The following BCAR1 variants were observed in gnomAD, a reference collection of about 807,000 sequenced individuals.
The protein encoded by BCAR1 is breast cancer anti-estrogen resistance protein 1.
BCAR1 carries 30 observed loss-of-function variants against 67.6 expected under a neutral mutation model. That is an observed-to-expected ratio of 0.44 (90% CI 0.33 to 0.60). The LOEUF (loss-of-function observed/expected upper bound fraction) is 0.60. Among genes scored for constraint, BCAR1 ranks in the 20% least tolerant of loss-of-function variants. BCAR1 has a pLI of 0.02. For missense variants in BCAR1, 1,313 were observed against 1,222.3 expected (o/e 1.07, Z -1.11); for synonymous variants, 626 against 556.7 (o/e 1.12, Z -1.75).
At chr16:75,252,394 C>T (rs532750042), upstream of BCAR1, 78 of 1,486,350 alleles carry the variant, frequency 5.2e-5, no homozygotes, top group South Asian at 9.3e-4. Context: ...GGTAGGAGAG[C>T]GGCACTGGGG....
At chr16:75,241,960 G>A (rs962609892) in intron 2 of BCAR1, among the ~76,000 whole-genome samples, 3 of 152,180 alleles carry the variant, frequency 2.0e-5, no homozygotes, top group Admixed American at 6.5e-5. Flanking sequence ...CGTCCTCCCA[G>A]GAGTCACATC....
chr16:75,238,822 G>A (rs935752080), intron 2 of BCAR1: 1 of 985,346 alleles, frequency 1.0e-6, no homozygotes, highest in African/African-American at 1.7e-5. Context: ...AGGCGGGGCG[G>A]AGGGACGTGG....
At chr16:75,264,422 T>C in intron 1 of BCAR1, 2 of 1,528,578 alleles carry the variant, frequency 1.3e-6, no homozygotes. Context: ...GGCTGGCCAG[T>C]CCCCTGAGGC....
chr16:75,238,025 G>A lies in BCAR1; in HGVS notation c.634-681C>T, dbSNP rs556264582. The A allele has an allele frequency of 8.6e-5, 111 of 1,287,932 alleles. 2 individuals are homozygous for A. In the South Asian group the frequency reaches 1.3e-3, roughly 15 times the overall value. The allele number at this position is 1,287,932 out of a possible 1,614,324, so 79.8% of individuals were successfully genotyped here. ...CAGCAGGTAAGATCCCCAGCGACCT[G>A]AAAGGATGAGGCCTAGTGGGGGAAG... is the stretch of plus-strand genomic sequence containing the variant. On this transcript the variant is annotated intron_variant, in intron 2 of 6. Transcript: ENST00000162330.
At chr16:75,265,906 C>A (rs1597296875) in intron 1 of BCAR1, 2 of 1,119,668 alleles carry the variant, frequency 1.8e-6, no homozygotes, top group South Asian at 4.3e-5. Context: ...CCGCCCGCGC[C>A]GCTCAGAGGC....
At chr16:75,244,204 C>T (rs947329767) in intron 1 of BCAR1, among the ~76,000 whole-genome samples, 2 of 152,218 alleles carry the variant, frequency 1.3e-5, no homozygotes, top group Non-Finnish European at 2.9e-5. Context: ...AGTCTCCTGG[C>T]GTCTTAGATG....
At chr16:75,263,499 G>T in intron 1 of BCAR1, 1 of 985,284 alleles carries the variant, frequency 1.0e-6, no homozygotes. Flanking sequence ...TAGCAGGGAC[G>T]CCCTGGCTCC....
At chr16:75,256,196 C>T (rs1173161068), upstream of BCAR1, 1 of 152,472 alleles carries the variant, frequency 6.6e-6, no homozygotes, top group African/African-American at 2.4e-5. Context: ...CAGCAGAGCT[C>T]GCACCTTCCA....
rs1344244373 is a variant in BCAR1, at chr16:75,235,754, C to T, written c.1145G>A (p.Gly382Asp). 1.9e-6 allele frequency: 3 copies of T among 1,593,146 alleles called. No individual in the cohort carries two copies. The South Asian group carries it at 3.4e-5, about 18-fold the overall frequency. ...YDVPPGLRRP[G>D]PGTLYDVPRE... is the part of the protein sequence containing the mutation. ...GGGCACATCGTACAGGGTGCCCGGG[C>T]CAGGCCGCCGCAAGCCAGGGGGCAC... Residue 382 changes from glycine (G) to aspartate (D), a missense_variant, in exon 5 of 7, where the codon GGC becomes GAC. Gly to Asp is a moderately conservative substitution (Grantham distance 94). Transcript: ENST00000162330.
At chr16:75,264,605 T>C (rs1048611196) in intron 1 of BCAR1, 15 of 1,285,184 alleles carry the variant, frequency 1.2e-5, no homozygotes, top group Non-Finnish European at 1.5e-5. Flanking sequence ...TTTTCATCTG[T>C]AAATACATTA....
chr16:75,248,132 G>T, intron 1 of BCAR1: 14 of 1,595,976 alleles, frequency 8.8e-6, no homozygotes, highest in Non-Finnish European at 1.2e-5. Context: ...AAGCAGCAGA[G>T]GCCGACCCCA....
intron 1 of BCAR1, among the ~76,000 whole-genome samples, chr16:75,244,361 T>C (rs948417866): frequency 6.6e-6 from 1 of 152,226 alleles, no homozygotes; most frequent in Non-Finnish European, 1.5e-5. Flanking sequence ...CCACGCCCCC[T>C]TGGGCAGAAA....
At chr16:75,238,965 G>A in intron 2 of BCAR1, 1 of 985,376 alleles carries the variant, frequency 1.0e-6, no homozygotes, top group South Asian at 4.7e-5. Context: ...TCCTCCAAAA[G>A]CACCCTGCCG....
At chr16:75,230,556 C>T (rs1295761062) in intron 6 of BCAR1, among the ~76,000 whole-genome samples, 1 of 152,178 alleles carries the variant, frequency 6.6e-6, no homozygotes, top group African/African-American at 2.4e-5. Flanking sequence ...TCCAATGCCC[C>T]TAAATAGAAC....
chr16:75,265,713 A>G (rs2077994571), intron 1 of BCAR1: 4 of 1,145,914 alleles, frequency 3.5e-6, no homozygotes, highest in Admixed American at 4.6e-5. Context: ...GGCCCCAGTG[A>G]GGCGACCCCC....
chr16:75,238,375 G>A (rs1313993891), intron 2 of BCAR1: 1 of 1,099,122 alleles, frequency 9.1e-7, no homozygotes, highest in Non-Finnish European at 1.1e-6. Flanking sequence ...CATCAAAGGG[G>A]ATGTCTGGGA....
intron 1 of BCAR1, among the ~76,000 whole-genome samples, chr16:75,243,993 G>A (rs914375465): frequency 3.3e-5 from 5 of 152,228 alleles, no homozygotes; most frequent in African/African-American, 7.2e-5. Context: ...AGGGAGGCAC[G>A]GGGTGAGACA....
In BCAR1 at chr16:75,229,642, C is replaced by A. The variant is rs757257597; in HGVS notation, c.2482G>T (p.Ala828Ser). ...LLCDLLRGIVATTKAAALQYP... is the reference protein window; with the variant it reads ...LLCDLLRGIVSTTKAAALQYP... ...TGCAAGGCAGCGGCCTTGGTGGTGG[C>A]CACGATGCCGCGCAGGAGGTCGCAC... The change falls in exon 7 of 7, where the codon GCC becomes TCC. Residue 828 changes from alanine (A) to serine (S), a missense_variant. By Grantham distance (99) the Ala-to-Ser change is moderately conservative. This residue lies in a region of BCAR1 where 1,272 missense variants were observed against 1,137.5 expected (regional missense o/e 1.12). Transcript: ENST00000162330. The A allele has an allele frequency of 6.2e-7, 1 of 1,612,634 alleles. No homozygotes were observed. Among genetic ancestry groups the A allele is most frequent in the East Asian group, 2.2e-5 (1 of 44,866 alleles).
chr16:75,233,718 G>C (rs999384149), intron 6 of BCAR1, 128 bp downstream of exon 6: 4 of 921,860 alleles, frequency 4.3e-6, no homozygotes, highest in Non-Finnish European at 6.4e-6. Flanking sequence ...TGGCAGGCCG[G>C]GCCCAGCTCT....
Sources: allele counts gnomAD v4.1 joint callset (sites outside exome capture counted in the v4.1 genomes callset), GRCh38; gene constraint gnomAD v4.1.1; regional missense constraint gnomAD v4.1.1; transcripts MANE v1.5; gene names NCBI Gene and HGNC (gene_info 2026-07-23, HGNC 2026-07-21).